RBFOX1: variants seen among roughly 807,000 people sequenced by gnomAD.
RBFOX1 encodes the protein RNA binding fox-1 homolog 1, also known as RNA binding protein fox-1 homolog 1.
RBFOX1 carries 8 observed loss-of-function variants against 57.7 expected under a neutral mutation model. That is an observed-to-expected ratio of 0.14 (90% confidence interval 0.08 to 0.25). RBFOX1 has a LOEUF of 0.25. Ranked by LOEUF, RBFOX1 falls within the 10% of genes least tolerant of loss-of-function variation. The pLI is 1.00. For missense variants in RBFOX1, 611 were observed against 548.5 expected, an observed-to-expected ratio of 1.11 and a Z score of -1.14; for synonymous variants, 326 against 222.4, an observed-to-expected ratio of 1.47 and a Z score of -4.15.
intron 2 of RBFOX1, among the ~76,000 whole-genome samples, chr16:6,561,805 G>A (rs573327666): frequency 6.6e-6 from 1 of 152,156 alleles, no homozygotes; most frequent in Non-Finnish European, 1.5e-5. Context: ...AACATGTGTA[G>A]GGGCCAGTTT....
chr16:5,404,897 T>C (rs1596888152), intron 1 of RBFOX1, among the ~76,000 whole-genome samples: 1 of 152,346 alleles, frequency 6.6e-6, no homozygotes, highest in African/African-American at 2.4e-5. Context: ...TCCAGCTTGG[T>C]CTTCAGGATC....
At chr16:6,740,066 A>G (rs1444010289) in intron 3 of RBFOX1, among the ~76,000 whole-genome samples, 2 of 152,190 alleles carry the variant, frequency 1.3e-5, no homozygotes, top group African/African-American at 4.8e-5. Context: ...AGACTTATGC[A>G]CCCCAACCTA....
intron 2 of RBFOX1, among the ~76,000 whole-genome samples, chr16:6,650,069 C>T (rs1370249964): frequency 2.6e-5 from 4 of 152,070 alleles, no homozygotes; most frequent in African/African-American, 9.7e-5. Flanking sequence ...ATTTCATTTC[C>T]TTTGAGTGAA....
At chr16:6,683,599 G>A (rs1344576558) in intron 3 of RBFOX1, among the ~76,000 whole-genome samples, 2 of 152,184 alleles carry the variant, frequency 1.3e-5, no homozygotes, top group East Asian at 1.9e-4. Flanking sequence ...GTGTGTGTAT[G>A]TATATATCTG....
At chr16:6,472,652 C>G (rs1017450638) in intron 2 of RBFOX1, among the ~76,000 whole-genome samples, 4 of 149,826 alleles carry the variant, frequency 2.7e-5, no homozygotes, top group Admixed American at 2.0e-4. Context: ...TCAATGGAAT[C>G]TCACTTTGTT....
intron 14 of RBFOX1, among the ~76,000 whole-genome samples, chr16:7,697,587 G>A (rs993087613): frequency 2.0e-5 from 3 of 152,038 alleles, no homozygotes; most frequent in Non-Finnish European, 4.4e-5. Flanking sequence ...TATCACAGTA[G>A]TTCAACGAGG....
intron 3 of RBFOX1, among the ~76,000 whole-genome samples, chr16:5,802,850 A>G (rs867603233): frequency 7.9e-5 from 12 of 152,142 alleles, no homozygotes; most frequent in South Asian, 2.1e-4. Flanking sequence ...CCATCTGTCC[A>G]CCTATCCAAC....
intron 4 of RBFOX1, among the ~76,000 whole-genome samples, chr16:5,963,740 T>G (rs2059794535): frequency 1.3e-5 from 2 of 152,194 alleles, no homozygotes; most frequent in Admixed American, 6.5e-5. Flanking sequence ...TATCTTATAC[T>G]ATACATAAAA....
Position 7,433,505 on chromosome 16 carries a change from A to C in RBFOX1, c.28-84642A>C, listed in dbSNP as rs180920628. Among the ~76,000 whole-genome samples the C allele has an allele frequency of 2.1e-3, 316 of 152,372 alleles. 1 individual carries two copies. The highest frequency in any genetic ancestry group is 7.1e-3 in the African/African-American group (294 of 41,584). ...AGTCCATAATGCTGTGTTGGAGTACAGACAAATGCGCGGTGAAATCTTGCT... is the reference window on the plus strand; with the variant it reads ...AGTCCATAATGCTGTGTTGGAGTACCGACAAATGCGCGGTGAAATCTTGCT... On this transcript the variant is annotated intron_variant, in intron 4 of 15. Transcript: ENST00000550418.
At chr16:5,531,802 CT>C (rs35194843) in intron 2 of RBFOX1, among the ~76,000 whole-genome samples, 50,000 of 133,892 alleles carry the variant, frequency 0.37, 9,962 homozygotes, top group East Asian at 0.79. Context: ...GTCAAGAGGT[CT>C]TTTTTTTTTT....
At chr16:7,419,705 T>C (rs1381781191) in intron 4 of RBFOX1, among the ~76,000 whole-genome samples, 2 of 152,210 alleles carry the variant, frequency 1.3e-5, no homozygotes, top group Non-Finnish European at 2.9e-5. Context: ...CAGTAGTTCC[T>C]GTTTTGTCTG....
chr16:5,881,310 A>C lies in RBFOX1; in HGVS notation c.351+13975A>C, dbSNP rs1448947166. Among the ~76,000 whole-genome samples the C allele has an allele frequency of 2.6e-5, 4 of 152,206 alleles. No homozygotes were observed. The East Asian group carries it at 7.7e-4, about 29-fold the overall frequency. On this transcript the variant is annotated intron_variant, in intron 4 of 19. Coordinates refer to the RBFOX1 transcript ENST00000641259. ...CACTTGGTCTCTACCACCTTGTGGT[A>C]GTGATGGCATCTCTGCCCAGTGCCT...
chr16:7,041,810 C>T lies in RBFOX1; in HGVS notation c.-15-10247C>T, dbSNP rs1013845037. ...ACCTCCTGTGTCATTAATTTGAATACCAATTGCTGGTATTTGCTGAATTTT... is the reference window on the plus strand; with the variant it reads ...ACCTCCTGTGTCATTAATTTGAATATCAATTGCTGGTATTTGCTGAATTTT... On this transcript the variant is annotated intron_variant, in intron 3 of 15. Transcript: ENST00000550418. Among the ~76,000 whole-genome samples, 6 of 152,266 alleles carry T rather than the reference C, an allele frequency of 3.9e-5. No individual in the cohort carries two copies. The South Asian group carries it at 6.2e-4, about 16-fold the overall frequency.
intron 6 of RBFOX1, among the ~76,000 whole-genome samples, chr16:7,580,596 C>T (rs12921400): frequency 0.34 from 52,259 of 152,128 alleles, 10,458 homozygotes; most frequent in East Asian, 0.72. Context: ...CATGGTGAAA[C>T]ACAGAGCAGG....
chr16:7,199,098 G>C (rs548242166), intron 4 of RBFOX1, among the ~76,000 whole-genome samples: 10 of 152,302 alleles, frequency 6.6e-5, no homozygotes, highest in Admixed American at 2.6e-4. Flanking sequence ...CCCAGAGGAA[G>C]AACACAGGCT....
At chr16:7,310,010 G>A (rs942556507) in intron 4 of RBFOX1, among the ~76,000 whole-genome samples, 3 of 152,278 alleles carry the variant, frequency 2.0e-5, no homozygotes, top group Admixed American at 1.3e-4. Context: ...GAACTCTGCC[G>A]GGCTGAGCGT....
At chr16:7,469,214 G>A (rs557204139) in intron 4 of RBFOX1, among the ~76,000 whole-genome samples, 11 of 136,724 alleles carry the variant, frequency 8.0e-5, no homozygotes, top group Non-Finnish European at 1.6e-4. Flanking sequence ...GATTACAAGC[G>A]TGAGCCACCT....
rs115607064 is a variant in RBFOX1, at chr16:7,069,439, C to T, written c.27+17341C>T. On this transcript the variant is annotated intron_variant, in intron 4 of 15. Coordinates refer to ENST00000550418, the MANE Select transcript of RBFOX1 (RefSeq NM_018723.4). ...TTCAGCTCCTACTTACAAGTGAGAG[C>T]ATGCGGTGTTCAGTTTTCTGTTCCT... Among the ~76,000 whole-genome samples, 631 of 152,276 alleles carry T rather than the reference C, an allele frequency of 4.1e-3. 5 individuals carry two copies. Among genetic ancestry groups the T allele is most frequent in the African/African-American group, 0.015 (611 of 41,550 alleles).
At chr16:5,666,505 A>C (rs1353705023) in intron 3 of RBFOX1, among the ~76,000 whole-genome samples, 1 of 152,262 alleles carries the variant, frequency 6.6e-6, no homozygotes, top group Non-Finnish European at 1.5e-5. Context: ...TGGACAAGAC[A>C]GACCAAATAG....
Sources: gnomAD v4.1 joint callset for allele counts (sites outside exome capture counted in the v4.1 genomes callset) on GRCh38, gnomAD v4.1.1 for gene constraint, MANE v1.5 for transcripts, NCBI Gene and HGNC (gene_info 2026-07-23, HGNC 2026-07-21) for gene names.